The following MEIOB variants were observed in gnomAD, a reference collection of about 807,000 sequenced individuals.
MEIOB encodes meiosis specific with OB-fold, also known as meiosis-specific with OB domain-containing protein.
MEIOB carries 50 observed loss-of-function variants against 53.1 expected under a neutral mutation model. The observed-to-expected ratio is 0.94, with a 90% CI of 0.75 to 1.19. The LOEUF (loss-of-function observed/expected upper bound fraction) is 1.19, where lower values mean the gene tolerates loss of function less well. Among genes scored for constraint, MEIOB ranks in the 50% most tolerant of loss-of-function variants. MEIOB has a pLI of 0.00. For synonymous variants in MEIOB, 192 were observed against 182.5 expected, an observed-to-expected ratio of 1.05 and a Z score of -0.42; for missense variants, 551 against 550.8, an observed-to-expected ratio of 1.00 and a Z score of 0.00.
At chr16:1,848,537 T>C (rs1014223853) in intron 9 of MEIOB, among the ~76,000 whole-genome samples, 5 of 142,758 alleles carry the variant, frequency 3.5e-5, no homozygotes, top group African/African-American at 1.3e-4. Flanking sequence ...TCCTTTTTTT[T>C]TTTTTCCTTT....
chr16:1,855,725 A>G (rs1033694971), intron 6 of MEIOB, among the ~76,000 whole-genome samples: 2 of 152,168 alleles, frequency 1.3e-5, no homozygotes, highest in Non-Finnish European at 2.9e-5. Flanking sequence ...ACTGCCTACA[A>G]AGTGACTTCT....
In MEIOB at chr16:1,860,469, A is replaced by G; in HGVS notation, c.266T>C (p.Ile89Thr). 7.1e-6 allele frequency: 11 copies of G among 1,538,512 alleles called. No individual in the cohort carries two copies. Among genetic ancestry groups the G allele is most frequent in the Non-Finnish European group, 9.7e-6 (11 of 1,135,844 alleles). Residue 89 changes from isoleucine to threonine, a missense_variant, in exon 5 of 14, where the codon ATT becomes ACT. Coordinates refer to ENST00000325962, the MANE Select transcript of MEIOB (RefSeq NM_001163560.3). ...CTTTCTTTGGATCAGAGGATTTTCA[A>G]TTATCACTAAAACAGAGGGCAAAGT... Reference protein sequence around the residue: ...DSFRVGDCVIIENPLIQRKEI... With the variant: ...DSFRVGDCVITENPLIQRKEI...
intron 3 of MEIOB, among the ~76,000 whole-genome samples, chr16:1,865,146 C>T (rs1899553268): frequency 6.6e-6 from 1 of 151,822 alleles, no homozygotes. Context: ...TTAAATCAAC[C>T]AGGGGCTGGG....
intron 3 of MEIOB, among the ~76,000 whole-genome samples, chr16:1,864,519 A>G (rs2437741): frequency 0.83 from 120,673 of 145,298 alleles, 50,007 homozygotes; most frequent in Middle Eastern, 0.9. Flanking sequence ...ACAGAGTTTC[A>G]CTCTTGCTGC....
At chr16:1,855,666 C>A (rs368240595) in intron 6 of MEIOB, among the ~76,000 whole-genome samples, 11 of 152,164 alleles carry the variant, frequency 7.2e-5, no homozygotes, top group African/African-American at 1.9e-4. Flanking sequence ...TTGGGGAAAT[C>A]GCAAACAATT....
chr16:1,837,959 T>G, intron 12 of MEIOB, 89 bp from the exon 13 acceptor site: 2 of 1,447,088 alleles, frequency 1.4e-6, no homozygotes, highest in South Asian at 1.5e-5. Context: ...ACTTTCTCAT[T>G]AGAAATGAAA....
chr16:1,841,448 G>A (rs924022838), intron 11 of MEIOB, among the ~76,000 whole-genome samples: 2 of 152,148 alleles, frequency 1.3e-5, no homozygotes, highest in African/African-American at 2.4e-5. Context: ...CTGAGTAGCT[G>A]AGACTACAGG....
intron 9 of MEIOB, among the ~76,000 whole-genome samples, chr16:1,848,529 C>CT (rs1304740396): frequency 0.013 from 1,748 of 136,694 alleles, 28 homozygotes; most frequent in East Asian, 0.089. Context: ...ATCCCTTCTC[C>CT]TTTTTTTTTT....
At chr16:1,857,595 G>A (rs538697224) in intron 6 of MEIOB, 140 bp downstream of exon 6, 18 of 601,870 alleles carry the variant, frequency 3.0e-5, no homozygotes, top group Non-Finnish European at 4.9e-5. Flanking sequence ...AAGTGTTACT[G>A]TTTTCTTAAT....
chr16:1,853,309 C>T (rs1285085706), intron 7 of MEIOB, 38 bp from the exon 8 acceptor site: 2 of 1,436,534 alleles, frequency 1.4e-6, no homozygotes, highest in South Asian at 1.2e-5. Context: ...AAATTGAATA[C>T]ACTAGAAAAA....
At chr16:1,834,499 C>T in intron 13 of MEIOB, 133 bp from the exon 14 acceptor site, 2 of 552,974 alleles carry the variant, frequency 3.6e-6, no homozygotes, top group East Asian at 3.1e-5. Context: ...TATAAACTTC[C>T]ATTAGAGCTG....
chr16:1,868,748 G>C (rs185360005), intron 1 of MEIOB, among the ~76,000 whole-genome samples: 1 of 151,350 alleles, frequency 6.6e-6, no homozygotes, highest in East Asian at 1.9e-4. Context: ...CCAGCTACTC[G>C]GGAGGCTGAG....
chr16:1,861,998 C>G lies in MEIOB; in HGVS notation c.246G>C (p.Arg82Ser), dbSNP rs1451015125. 1 of 1,550,818 alleles carries G rather than the reference C, an allele frequency of 6.4e-7. No homozygotes were observed. Among genetic ancestry groups the G allele is most frequent in the Non-Finnish European group, 8.7e-7 (1 of 1,146,724 alleles). The change falls in exon 4 of 14, where the codon AGG becomes AGC. Residue 82 changes from arginine to serine, a missense_variant. By Grantham distance (110) the Arg-to-Ser change is moderately radical. Transcript: ENST00000325962. ...DYIKSLSDSF[R>S]VGDCVIIENP... is the part of the protein sequence containing the mutation. Reference sequence around the variant, plus strand: ...ATGCCAACTTACCACAGTCACCAACCCTAAAGCTGTCAGAAAGAGACTTGA... The same window carrying G: ...ATGCCAACTTACCACAGTCACCAACGCTAAAGCTGTCAGAAAGAGACTTGA...
intron 9 of MEIOB, among the ~76,000 whole-genome samples, chr16:1,852,295 G>A (rs1290692578): frequency 8.7e-6 from 1 of 114,732 alleles, no homozygotes; most frequent in Non-Finnish European, 1.6e-5. Context: ...ACGGAGTCTC[G>A]CTCTGTCGCC....
intron 1 of MEIOB, among the ~76,000 whole-genome samples, chr16:1,869,112 T>A (rs565978245): frequency 1.3e-5 from 2 of 152,260 alleles, no homozygotes; most frequent in South Asian, 4.1e-4. Flanking sequence ...TTTTATTTTT[T>A]AATTTTGTTT....
intron 2 of MEIOB, among the ~76,000 whole-genome samples, chr16:1,867,890 ATATCT>A (rs1899634075): frequency 8.1e-6 from 1 of 124,220 alleles, no homozygotes; most frequent in African/African-American, 3.1e-5. Flanking sequence ...ATCTACAATC[ATATCT>A]TCTACTCTAC....
intron 5 of MEIOB, among the ~76,000 whole-genome samples, chr16:1,859,066 G>A (rs74002720): frequency 3.3e-5 from 5 of 152,282 alleles, no homozygotes; most frequent in African/African-American, 7.2e-5. Flanking sequence ...AATCTCAGAC[G>A]GTGACTTGGG....
intron 10 of MEIOB, among the ~76,000 whole-genome samples, chr16:1,844,123 T>A (rs1044806006): frequency 2.2e-5 from 2 of 92,850 alleles, no homozygotes; most frequent in African/African-American, 8.1e-5. Context: ...ATTATGTTTC[T>A]TTTTTTTTTT....
chr16:1,852,910 T>C (rs1899207650), intron 9 of MEIOB, 129 bp downstream of exon 9: 5 of 636,804 alleles, frequency 7.9e-6, no homozygotes, highest in Non-Finnish European at 1.3e-5. Context: ...AAAAAAGTTA[T>C]ATAAAGCAAT....
Sources: gnomAD v4.1 joint callset for allele counts (sites outside exome capture counted in the v4.1 genomes callset) on GRCh38, gnomAD v4.1.1 for gene constraint, MANE v1.5 for transcripts, NCBI Gene and HGNC (gene_info 2026-07-23, HGNC 2026-07-21) for gene names.